Variants in CAB39 observed in about 807,000 individuals in gnomAD.
CAB39 encodes the protein calcium-binding protein 39.
A neutral mutation model predicts 40.0 loss-of-function variants in CAB39; 8 were observed. The ratio of observed to expected loss-of-function variants is 0.20; its 90% CI spans 0.12 to 0.36. The LOEUF (loss-of-function observed/expected upper bound fraction) is 0.36, where lower values mean the gene tolerates loss of function less well. CAB39 is among the 10% of genes least tolerant of loss of function. The pLI is 1.00. For missense variants in CAB39, 270 were observed against 401.1 expected, an observed-to-expected ratio of 0.67 and a Z score of 2.79; for synonymous variants, 156 against 141.6, an observed-to-expected ratio of 1.10 and a Z score of -0.72.
intron 2 of CAB39, among the ~76,000 whole-genome samples, chr2:230,765,192 T>C (rs1271423288): frequency 6.6e-6 from 1 of 152,178 alleles, no homozygotes; most frequent in South Asian, 2.1e-4. Context: ...GGTTTCACCA[T>C]GTTGGCCAGG....
intron 2 of CAB39, among the ~76,000 whole-genome samples, chr2:230,767,758 T>C: frequency 6.6e-6 from 1 of 152,224 alleles, no homozygotes; most frequent in Non-Finnish European, 1.5e-5. Context: ...TCTTGTCTCC[T>C]AATACTCTTC....
At chr2:230,725,602 C>T (rs1449835591) in intron 1 of CAB39, among the ~76,000 whole-genome samples, 2 of 152,104 alleles carry the variant, frequency 1.3e-5, no homozygotes, top group African/African-American at 4.8e-5. Flanking sequence ...GAAAGGGGTC[C>T]TAGATTTGAA....
intron 1 of CAB39, among the ~76,000 whole-genome samples, chr2:230,735,859 C>T (rs747207499): frequency 5.3e-5 from 8 of 152,164 alleles, no homozygotes; most frequent in Non-Finnish European, 5.9e-5. Context: ...ACTTTAATAT[C>T]TGTAATGGCT....
chr2:230,782,958 G>A (rs961042502), intron 2 of CAB39, among the ~76,000 whole-genome samples: 55 of 149,332 alleles, frequency 3.7e-4, no homozygotes, highest in African/African-American at 1.1e-3. Context: ...CACTACAGGC[G>A]CTGACCACCA....
At chr2:230,802,883 A>G (rs188322943) in intron 5 of CAB39, among the ~76,000 whole-genome samples, 258 of 152,360 alleles carry the variant, frequency 1.7e-3, no homozygotes, top group African/African-American at 5.7e-3. Context: ...ACAGAAAAAG[A>G]GGGAATCTTC....
intron 1 of CAB39, among the ~76,000 whole-genome samples, chr2:230,719,050 G>A (rs1694401382): frequency 6.6e-6 from 1 of 152,096 alleles, no homozygotes; most frequent in Non-Finnish European, 1.5e-5. Context: ...TCTTTTTTAA[G>A]GTTTAATATA....
At chr2:230,795,480 G>A (rs1695969799) in intron 4 of CAB39, among the ~76,000 whole-genome samples, 1 of 152,130 alleles carries the variant, frequency 6.6e-6, no homozygotes, top group Non-Finnish European at 1.5e-5. Flanking sequence ...GATTTAACTG[G>A]TAGATAGTTA....
chr2:230,763,389 C>T (rs1220417049), intron 2 of CAB39, among the ~76,000 whole-genome samples: 2 of 152,092 alleles, frequency 1.3e-5, no homozygotes, highest in African/African-American at 2.4e-5. Context: ...GCCAGGAGTT[C>T]GAGACCAGCC....
At chr2:230,725,517 T>G in intron 1 of CAB39, 1 of 971,876 alleles carries the variant, frequency 1.0e-6, no homozygotes, top group African/African-American at 1.6e-5. Flanking sequence ...AATATCAAAT[T>G]TTGTCCTCAT....
At chr2:230,776,890 T>C (rs1216683429) in intron 2 of CAB39, among the ~76,000 whole-genome samples, 1 of 152,176 alleles carries the variant, frequency 6.6e-6, no homozygotes, top group East Asian at 1.9e-4. Flanking sequence ...GGTTTCACCG[T>C]ATTAGCCAGG....
rs1296819221 is a variant in CAB39, at chr2:230,819,622, A to G, written c.*918A>G. ...ATATGTAATTGAAATACTTCAGATC[A>G]CATGAAAATGCTGATTTAACATTTA... is the stretch of plus-strand genomic sequence containing the variant. On this transcript the variant is annotated 3_prime_UTR_variant, in exon 9 of 9. Coordinates refer to ENST00000258418, the MANE Select transcript of CAB39 (RefSeq NM_016289.4). 1 of 152,624 alleles carries G rather than the reference A, an allele frequency of 6.6e-6. No individual in the cohort carries two copies. The highest frequency in any genetic ancestry group is 1.5e-5 in the Non-Finnish European group (1 of 68,038). 9.5% of individuals were successfully genotyped at this position (152,624 alleles called of 1,614,324 possible).
At chr2:230,786,411 G>A (rs554298915) in intron 2 of CAB39, among the ~76,000 whole-genome samples, 9 of 152,144 alleles carry the variant, frequency 5.9e-5, no homozygotes, top group Non-Finnish European at 8.8e-5. Context: ...TTTACATGCC[G>A]TATAGTTCAC....
At position 230,756,476 on chromosome 2, in the gene CAB39, A is replaced by C. The variant is rs1463934414; in HGVS notation, c.-43-3483A>C. ...TGTAAGATATTTAAGCTTAATGCTT[A>C]GCAAACCTGAACATAAGAAACAAAT... On this transcript the variant is annotated intron_variant, in intron 1 of 8. Coordinates refer to ENST00000258418, the MANE Select transcript of CAB39 (RefSeq NM_016289.4). 1.3e-5 allele frequency among the ~76,000 whole-genome samples: 2 copies of C among 152,232 alleles called. 1 individual carries two copies.
At chr2:230,801,321 AG>A (rs1696085877) in intron 5 of CAB39, among the ~76,000 whole-genome samples, 1 of 152,248 alleles carries the variant, frequency 6.6e-6, no homozygotes, top group African/African-American at 2.4e-5. Context: ...GAAGACCAGC[AG>A]GAACAGCCTT....
intron 1 of CAB39, among the ~76,000 whole-genome samples, chr2:230,748,679 A>T (rs1278312614): frequency 6.6e-6 from 1 of 151,132 alleles, no homozygotes; most frequent in Non-Finnish European, 1.5e-5. Flanking sequence ...GGTGGCACCC[A>T]CCTGTAGTCC....
chr2:230,719,346 C>A (rs1158231177), intron 1 of CAB39, among the ~76,000 whole-genome samples: 1 of 152,168 alleles, frequency 6.6e-6, no homozygotes, highest in Non-Finnish European at 1.5e-5. Context: ...AAAATATGTG[C>A]TCCCTGAAAT....
At chr2:230,714,384 A>G (rs1434534848) in intron 1 of CAB39, among the ~76,000 whole-genome samples, 1 of 152,232 alleles carries the variant, frequency 6.6e-6, no homozygotes, top group Non-Finnish European at 1.5e-5. Flanking sequence ...AGCTTCCCAG[A>G]TAATCAAGTA....
chr2:230,739,192 G>T (rs1694835195), intron 1 of CAB39, among the ~76,000 whole-genome samples: 1 of 152,190 alleles, frequency 6.6e-6, no homozygotes, highest in East Asian at 1.9e-4. Flanking sequence ...TGTAGCAAGT[G>T]AGAGTAAATT....
At chr2:230,739,526 G>T (rs531362379) in intron 1 of CAB39, among the ~76,000 whole-genome samples, 1 of 151,972 alleles carries the variant, frequency 6.6e-6, no homozygotes, top group Non-Finnish European at 1.5e-5. Flanking sequence ...ACAGAGTTTC[G>T]CCCTGTTGCC....
Sources: allele counts gnomAD v4.1 joint callset (sites outside exome capture counted in the v4.1 genomes callset), GRCh38; gene constraint gnomAD v4.1.1; transcripts MANE v1.5; gene names NCBI Gene and HGNC (gene_info 2026-07-23, HGNC 2026-07-21).